GRIN2B: variants seen among roughly 807,000 people sequenced by gnomAD.
The protein encoded by GRIN2B is glutamate receptor ionotropic, NMDA 2B.
GRIN2B carries 5 observed loss-of-function variants against 114.5 expected under a neutral mutation model. The observed-to-expected ratio is 0.04, with a 90% CI of 0.02 to 0.09. GRIN2B has a LOEUF of 0.09. GRIN2B is among the 10% of genes least tolerant of loss of function. The pLI is 1.00. For missense variants in GRIN2B, 1,108 were observed against 1,943.5 expected (o/e 0.57, Z 8.08); for synonymous variants, 787 against 745.1 (o/e 1.06, Z -0.92).
intron 3 of GRIN2B, among the ~76,000 whole-genome samples, chr12:13,820,990 G>GT (rs755864720): frequency 6.6e-6 from 1 of 151,924 alleles, no homozygotes; most frequent in Non-Finnish European, 1.5e-5. Flanking sequence ...GCCCCAACTG[G>GT]TTTTTTTCTT....
intron 4 of GRIN2B, among the ~76,000 whole-genome samples, chr12:13,686,678 A>G (rs534366627): frequency 1.3e-5 from 2 of 152,114 alleles, no homozygotes; most frequent in East Asian, 1.9e-4. Flanking sequence ...TGATGACCCT[A>G]TTTCCTCCCC....
chr12:13,748,064 A>T (rs1020550417), intron 4 of GRIN2B, among the ~76,000 whole-genome samples: 1 of 152,022 alleles, frequency 6.6e-6, no homozygotes, highest in Non-Finnish European at 1.5e-5. Context: ...ATTCAAAGTC[A>T]CTCTTCCCCA....
intron 5 of GRIN2B, among the ~76,000 whole-genome samples, chr12:13,651,337 G>A (rs987896728): frequency 5.3e-5 from 8 of 152,094 alleles, no homozygotes; most frequent in African/African-American, 1.9e-4. Context: ...GCAGCCATGT[G>A]TAGACAGCGG....
In GRIN2B at chr12:13,537,851, C is replaced by T. The variant is rs1948231320; in HGVS notation, c.*24932G>A. On this transcript the variant is annotated 3_prime_UTR_variant, in exon 14 of 14. Coordinates refer to ENST00000609686, the MANE Select transcript of GRIN2B (RefSeq NM_000834.5). ...ACCTTTGATGGGGAGGGCAGATAGA[C>T]CAACATCTGGGTTTCAAGATAAGAA... 1 of 152,114 alleles carries T rather than the reference C, an allele frequency of 6.6e-6. No individual in the cohort carries two copies. The highest frequency in any genetic ancestry group is 1.5e-5 in the Non-Finnish European group (1 of 68,032). The allele number at this position is 152,114 out of a possible 1,614,324, so 9.4% of individuals were successfully genotyped here.
chr12:13,632,347 A>G (rs953075586), intron 5 of GRIN2B, among the ~76,000 whole-genome samples: 1 of 152,236 alleles, frequency 6.6e-6, no homozygotes. Context: ...GTACATGTCA[A>G]TCTGCAGGAA....
At position 13,544,602 on chromosome 12, in the gene GRIN2B, C is replaced by T. The variant is rs1948321414; in HGVS notation, c.*18181G>A. ...TAAGGCTTTCCTTCCCAGTCAGCCT[C>T]ACCTGCAGGATTCCTGTCTTACACT... On this transcript the variant is annotated 3_prime_UTR_variant, in exon 14 of 14. Coordinates refer to ENST00000609686, the MANE Select transcript of GRIN2B (RefSeq NM_000834.5). 6.6e-6 allele frequency: 1 copy of T among 152,234 alleles called. No individual in the cohort carries two copies. The highest frequency in any genetic ancestry group is 1.5e-5 in the Non-Finnish European group (1 of 68,048). 9.4% of individuals were successfully genotyped at this position (152,234 alleles called of 1,614,324 possible).
chr12:13,588,806 C>T (rs886070008), intron 10 of GRIN2B, among the ~76,000 whole-genome samples: 4 of 152,200 alleles, frequency 2.6e-5, no homozygotes. Flanking sequence ...CTTCTGACCA[C>T]CGTGTGTTCT....
rs79882245 is a variant in GRIN2B, at chr12:13,540,866, C to T, written c.*21917G>A. On this transcript the variant is annotated 3_prime_UTR_variant, in exon 14 of 14. Coordinates refer to ENST00000609686, the MANE Select transcript of GRIN2B (RefSeq NM_000834.5). ...CAGAGCTGAGGCAAGCCTGAGTCGT[C>T]GGTGCTCCCTGGAGAGGACATCACA... 0.035 allele frequency: 5,267 copies of T among 152,250 alleles called. 121 individuals carry two copies. Among genetic ancestry groups the T allele is most frequent in the East Asian group, 0.092 (473 of 5,166 alleles). The allele number at this position is 152,250 out of a possible 1,614,324, so 9.4% of individuals were successfully genotyped here.
intron 10 of GRIN2B, among the ~76,000 whole-genome samples, chr12:13,607,753 A>G (rs1011250577): frequency 8.6e-5 from 13 of 151,182 alleles, no homozygotes; most frequent in African/African-American, 2.9e-4. Context: ...AAAATATCAC[A>G]TTTTCTAAAT....
At chr12:13,965,149 T>C (rs1205467390) in intron 2 of GRIN2B, among the ~76,000 whole-genome samples, 3 of 152,218 alleles carry the variant, frequency 2.0e-5, no homozygotes, top group Non-Finnish European at 4.4e-5. Flanking sequence ...TATCAGTTCC[T>C]GCAGCCTGCC....
At chr12:13,738,255 A>T (rs7973529) in intron 4 of GRIN2B, among the ~76,000 whole-genome samples, 1,779 of 152,374 alleles carry the variant, frequency 0.012, 32 homozygotes, top group African/African-American at 0.04. Flanking sequence ...ATCACTTTCT[A>T]GTGCTAATAA....
At chr12:13,583,207 A>T (rs1948875536) in intron 10 of GRIN2B, among the ~76,000 whole-genome samples, 1 of 152,220 alleles carries the variant, frequency 6.6e-6, no homozygotes, top group South Asian at 2.1e-4. Context: ...GGCAACAGAT[A>T]CAATCCCTAC....
chr12:13,799,701 G>C (rs371647358), intron 3 of GRIN2B, among the ~76,000 whole-genome samples: 11 of 151,980 alleles, frequency 7.2e-5, no homozygotes, highest in African/African-American at 1.2e-4. Context: ...GCAGGAGAGA[G>C]GGGGGGAAAG....
At chr12:13,569,560 G>A (rs1441376261) in intron 12 of GRIN2B, among the ~76,000 whole-genome samples, 1 of 152,164 alleles carries the variant, frequency 6.6e-6, no homozygotes, top group South Asian at 2.1e-4. Context: ...GCAGACCCCG[G>A]AAGAGATTGA....
At chr12:13,623,190 A>G (rs1457783151) in intron 5 of GRIN2B, among the ~76,000 whole-genome samples, 7 of 152,240 alleles carry the variant, frequency 4.6e-5, no homozygotes, top group Admixed American at 2.0e-4. Context: ...TAAGAACTGC[A>G]TAGTAGCCTA....
chr12:13,670,473 C>G (rs1335241394), intron 5 of GRIN2B: 1 of 152,150 alleles, frequency 6.6e-6, no homozygotes, highest in Non-Finnish European at 1.5e-5. Context: ...AGTCATTACT[C>G]AGAGCACACC....
chr12:13,957,473 T>C (rs748211758), intron 2 of GRIN2B, among the ~76,000 whole-genome samples: 11 of 152,152 alleles, frequency 7.2e-5, no homozygotes, highest in Admixed American at 6.6e-5. Flanking sequence ...CTTCATCTCA[T>C]TGGTAACCTT....
rs547660664 is a variant in GRIN2B at position 13,553,284 on chromosome 12, C to G, written c.*9499G>C. The G allele has an allele frequency of 1.3e-5, 2 of 152,284 alleles. No individual in the cohort carries two copies. Among genetic ancestry groups the G allele is most frequent in the Admixed American group, 1.3e-4 (2 of 15,302 alleles). The allele number at this position is 152,284 out of a possible 1,614,324, so 9.4% of individuals were successfully genotyped here. A position where few individuals can be genotyped will look rare whatever the true frequency, so the allele number is the denominator to read the frequency against. ...AAGGTCAGAAGTGATGTTGTCTCCCCCTGAGGTAATGAATCCCTTTATATT... is the reference window on the plus strand; with the variant it reads ...AAGGTCAGAAGTGATGTTGTCTCCCGCTGAGGTAATGAATCCCTTTATATT... On this transcript the variant is annotated 3_prime_UTR_variant, in exon 14 of 14. Coordinates refer to ENST00000609686, the MANE Select transcript of GRIN2B (RefSeq NM_000834.5).
In GRIN2B at chr12:13,563,688, C is replaced by T. The variant is rs1341594260; in HGVS notation, c.3550G>A (p.Gly1184Ser). Residue 1184 changes from glycine (G) to serine (S), a missense_variant, in exon 14 of 14, where the codon GGC becomes AGC. Gly to Ser is a moderately conservative substitution (Grantham distance 56). Transcript: ENST00000609686. ...CCGCTGACCACGCCGTGTTTGTCGC[C>T]CGTCCCGTGCTTGATGTGAGACCTG... ...TNRSHIKHGTGDKHGVVSGVP... is the reference protein window; with the variant it reads ...TNRSHIKHGTSDKHGVVSGVP... 2 of 1,613,574 alleles carry T rather than the reference C, an allele frequency of 1.2e-6. No individual in the cohort carries two copies. Among genetic ancestry groups the T allele is most frequent in the Non-Finnish European group, 1.7e-6 (2 of 1,179,990 alleles).
Sources: gnomAD v4.1 joint callset for allele counts (sites outside exome capture counted in the v4.1 genomes callset) on GRCh38, gnomAD v4.1.1 for gene constraint, MANE v1.5 for transcripts, NCBI Gene and HGNC (gene_info 2026-07-23, HGNC 2026-07-21) for gene names.